Variants in ARHGAP24 observed in about 807,000 individuals in gnomAD.
ARHGAP24 encodes the protein rho GTPase-activating protein 24.
In ARHGAP24, 50 loss-of-function variants were observed where a neutral mutation model predicts 76.4. The ratio of observed to expected loss-of-function variants is 0.65; its 90% CI spans 0.52 to 0.83. The LOEUF (loss-of-function observed/expected upper bound fraction) is 0.83. Among genes scored for constraint, ARHGAP24 ranks in the 40% least tolerant of loss-of-function variants. The pLI is 0.00. For missense variants in ARHGAP24, 930 were observed against 914.2 expected, an observed-to-expected ratio of 1.02 and a Z score of -0.22; for synonymous variants, 345 against 323.3, an observed-to-expected ratio of 1.07 and a Z score of -0.72.
chr4:85,816,920 T>C (rs980056050), intron 3 of ARHGAP24, among the ~76,000 whole-genome samples: 6 of 152,222 alleles, frequency 3.9e-5, no homozygotes, highest in African/African-American at 1.2e-4. Context: ...TCTTCCCTAA[T>C]ACTTATTATC....
chr4:85,564,923 G>GGT (rs1553914952), intron 1 of ARHGAP24, among the ~76,000 whole-genome samples: 2 of 36,720 alleles, frequency 5.4e-5, no homozygotes, highest in East Asian at 2.2e-3. Flanking sequence ...GAACACACAC[G>GGT]GTATATATAT....
intron 1 of ARHGAP24, among the ~76,000 whole-genome samples, chr4:85,524,853 G>T (rs1423377173): frequency 6.6e-6 from 1 of 152,104 alleles, no homozygotes. Context: ...GTATAATATA[G>T]ACCTAATATC....
intron 2 of ARHGAP24, among the ~76,000 whole-genome samples, chr4:85,697,397 G>T (rs1014447957): frequency 6.6e-6 from 1 of 152,088 alleles, no homozygotes; most frequent in Non-Finnish European, 1.5e-5. Context: ...GTATTCCATG[G>T]TGTATATGTG....
chr4:85,567,458 G>A (rs183026148), intron 1 of ARHGAP24, among the ~76,000 whole-genome samples: 1 of 152,292 alleles, frequency 6.6e-6, no homozygotes, highest in African/African-American at 2.4e-5. Context: ...CAAATGATCA[G>A]TTTTCTGTAT....
chr4:85,565,377 T>G (rs1726798563), intron 1 of ARHGAP24, among the ~76,000 whole-genome samples: 1 of 152,124 alleles, frequency 6.6e-6, no homozygotes, highest in Non-Finnish European at 1.5e-5. Context: ...GTTGCAGTAT[T>G]TTACCAACAT....
At chr4:85,594,629 C>A (rs1728244114) in intron 2 of ARHGAP24, among the ~76,000 whole-genome samples, 1 of 152,000 alleles carries the variant, frequency 6.6e-6, no homozygotes, top group Admixed American at 6.6e-5. Flanking sequence ...GGGAATCTTA[C>A]TTTCTGTCCA....
chr4:85,490,724 T>C (rs941391840), intron 1 of ARHGAP24, among the ~76,000 whole-genome samples: 8 of 152,236 alleles, frequency 5.3e-5, no homozygotes, highest in East Asian at 1.9e-4. Flanking sequence ...TGCAGGTCTA[T>C]GAATTTAGCA....
At chr4:85,785,506 T>C (rs996463027) in intron 3 of ARHGAP24, among the ~76,000 whole-genome samples, 1 of 150,236 alleles carries the variant, frequency 6.7e-6, no homozygotes, top group African/African-American at 2.5e-5. Context: ...TTGTTTTGTT[T>C]TTTTAAGAAA....
intron 1 of ARHGAP24, among the ~76,000 whole-genome samples, chr4:85,528,756 G>A (rs996617514): frequency 7.9e-5 from 12 of 152,038 alleles, no homozygotes; most frequent in African/African-American, 2.4e-4. Context: ...ATTATAATTG[G>A]ACATGTACTA....
At chr4:85,949,900 CA>C (rs1737505738) in intron 5 of ARHGAP24, among the ~76,000 whole-genome samples, 1 of 152,172 alleles carries the variant, frequency 6.6e-6, no homozygotes, top group Non-Finnish European at 1.5e-5. Context: ...ATGAAAGAGA[CA>C]AGGTGCATTC....
intron 3 of ARHGAP24, among the ~76,000 whole-genome samples, chr4:85,740,221 G>GTT (rs1725762857): frequency 1.1e-5 from 1 of 91,872 alleles, no homozygotes; most frequent in Non-Finnish European, 3.0e-5. Context: ...TGTTGTTGTT[G>GTT]GGGTTTTTTT....
chr4:85,626,988 C>G lies in ARHGAP24; in HGVS notation c.180+56267C>G, dbSNP rs968581987. Reference sequence around the variant, plus strand: ...AGTTATCCATTCGTCTAATTTTTTTCAAAGCTTTTAACTTCTTTGCCATTG... The same window carrying G: ...AGTTATCCATTCGTCTAATTTTTTTGAAAGCTTTTAACTTCTTTGCCATTG... On this transcript the variant is annotated intron_variant, in intron 2 of 9. Transcript: ENST00000395184. Among the ~76,000 whole-genome samples the G allele has an allele frequency of 3.3e-5, 5 of 152,082 alleles. No individual in the cohort carries two copies. The East Asian group carries it at 7.7e-4, about 23-fold the overall frequency.
chr4:85,587,208 C>G (rs1027258423), intron 2 of ARHGAP24, among the ~76,000 whole-genome samples: 7 of 151,998 alleles, frequency 4.6e-5, no homozygotes, highest in African/African-American at 1.4e-4. Context: ...CACATTGACC[C>G]CAAGTGGTAT....
At chr4:85,911,412 C>T (rs1445182908) in intron 3 of ARHGAP24, among the ~76,000 whole-genome samples, 1 of 152,064 alleles carries the variant, frequency 6.6e-6, no homozygotes, top group African/African-American at 2.4e-5. Flanking sequence ...AAAATTAAAA[C>T]AATGAAAAAG....
intron 3 of ARHGAP24, among the ~76,000 whole-genome samples, chr4:85,800,079 C>A (rs969843849): frequency 6.6e-6 from 1 of 152,112 alleles, no homozygotes; most frequent in Non-Finnish European, 1.5e-5. Context: ...CTGGTGAAAG[C>A]AAAGTAATCT....
rs149312309 is a variant in ARHGAP24, at chr4:85,823,063, A to G, written c.269-100585A>G. ...AAAAAACTTCAAAAATGATCTCTTT[A>G]TTATGAACTAGAGTTACTATTTTCT... is the stretch of plus-strand genomic sequence containing the variant. On this transcript the variant is annotated intron_variant, in intron 3 of 9. Transcript: ENST00000395184. 8.5e-3 allele frequency among the ~76,000 whole-genome samples: 1,292 copies of G among 152,310 alleles called. 15 individuals are homozygous for G. Among genetic ancestry groups the G allele is most frequent in the African/African-American group, 0.03 (1,236 of 41,570 alleles).
chr4:85,942,150 G>C lies in ARHGAP24; in HGVS notation c.476G>C (p.Cys159Ser), dbSNP rs1283900812. Residue 159 changes from cysteine to serine, a missense_variant, in exon 5 of 10, where the codon TGC becomes TCC. Cys to Ser is a moderately radical substitution (Grantham distance 112, BLOSUM62 -1). Coordinates refer to ENST00000395184, the MANE Select transcript of ARHGAP24 (RefSeq NM_001025616.3). ...CTGGCTCCGATGTTGGTGGAGCAGTGCGTGGACTTTATCCGACAAAGGGGG... is the reference window on the plus strand; with the variant it reads ...CTGGCTCCGATGTTGGTGGAGCAGTCCGTGGACTTTATCCGACAAAGGGGG... ...NRLAPMLVEQCVDFIRQRGLK... is the reference protein window; with the variant it reads ...NRLAPMLVEQSVDFIRQRGLK... The C allele has an allele frequency of 6.2e-7, 1 of 1,613,996 alleles. No individual in the cohort carries two copies. Among genetic ancestry groups the C allele is most frequent in the Non-Finnish European group, 8.5e-7 (1 of 1,180,002 alleles).
At chr4:85,953,971 A>G in intron 5 of ARHGAP24, among the ~76,000 whole-genome samples, 1 of 152,152 alleles carries the variant, frequency 6.6e-6, no homozygotes, top group East Asian at 1.9e-4. Context: ...GGTTACAGGG[A>G]TCAGAGGAAA....
intron 2 of ARHGAP24, among the ~76,000 whole-genome samples, chr4:85,602,592 A>G (rs916447136): frequency 1.3e-5 from 2 of 152,188 alleles, no homozygotes; most frequent in African/African-American, 4.8e-5. Context: ...GGTAATTCAT[A>G]TATTAGTCTA....
Sources: allele counts gnomAD v4.1 joint callset (sites outside exome capture counted in the v4.1 genomes callset), GRCh38; gene constraint gnomAD v4.1.1; transcripts MANE v1.5; gene names NCBI Gene and HGNC (gene_info 2026-07-23, HGNC 2026-07-21).